The following FLT1 variants were observed in gnomAD, a reference collection of about 807,000 sequenced individuals.
FLT1 encodes the protein fms related receptor tyrosine kinase 1, also known as vascular endothelial growth factor receptor 1.
A neutral mutation model predicts 156.3 loss-of-function variants in FLT1; 49 were observed. The observed-to-expected ratio is 0.31, with a 90% confidence interval of 0.25 to 0.40. The LOEUF is 0.40. Among genes scored for constraint, FLT1 ranks in the 10% least tolerant of loss-of-function variants. The pLI, the probability that FLT1 is intolerant of heterozygous loss-of-function variation, is 1.00. For synonymous variants in FLT1, 594 were observed against 583.8 expected (o/e 1.02, Z -0.25); for missense variants, 1,322 against 1,637.2 (o/e 0.81, Z 3.32).
rs1304870278 is a variant in FLT1 at position 28,438,348 on chromosome 13, G to T, written c.389-3C>A. The T allele has an allele frequency of 6.2e-6, 10 of 1,605,870 alleles. No individual in the cohort carries two copies. Among genetic ancestry groups the T allele is most frequent in the Non-Finnish European group, 8.5e-6 (10 of 1,172,600 alleles). ...CTCTACGAAAGGTCTACCTGTATCT[G>T]AATGAGAAGAAAATGAAAAAAATAT... On this transcript the variant is annotated splice_region_variant and splice_polypyrimidine_tract_variant and intron_variant, in intron 3 of 29. Transcript: ENST00000282397.
At chr13:28,420,057 C>T (rs950849183) in intron 10 of FLT1, among the ~76,000 whole-genome samples, 1 of 152,174 alleles carries the variant, frequency 6.6e-6, no homozygotes, top group African/African-American at 2.4e-5. Flanking sequence ...GAAAATCTCA[C>T]AAAGCAGAGA....
chr13:28,320,625 A>G (rs1300495917), intron 23 of FLT1, among the ~76,000 whole-genome samples: 4 of 151,816 alleles, frequency 2.6e-5, no homozygotes, highest in African/African-American at 7.3e-5. Flanking sequence ...TCTTCTTCCA[A>G]TGTGGCCCAG....
chr13:28,483,398 T>C (rs534449098), intron 1 of FLT1, among the ~76,000 whole-genome samples: 1 of 152,326 alleles, frequency 6.6e-6, no homozygotes, highest in African/African-American at 2.4e-5. Flanking sequence ...ACACCATGCA[T>C]ATTTTTACAT....
At chr13:28,333,929 T>C in intron 18 of FLT1, 96 bp downstream of exon 18, 1 of 846,452 alleles carries the variant, frequency 1.2e-6, no homozygotes, top group Middle Eastern at 2.2e-4. Context: ...GCAGAAAAGC[T>C]TGTGTCTGTT....
chr13:28,488,425 C>T (rs994434247), intron 1 of FLT1, among the ~76,000 whole-genome samples: 3 of 152,022 alleles, frequency 2.0e-5, no homozygotes, highest in Admixed American at 6.6e-5. Context: ...GACCCTGACA[C>T]CAGAACTGAC....
At chr13:28,333,129 G>A (rs944416157) in intron 18 of FLT1, among the ~76,000 whole-genome samples, 3 of 152,198 alleles carry the variant, frequency 2.0e-5, no homozygotes, top group Admixed American at 6.5e-5. Context: ...ATTGCTAGAA[G>A]ATTAAGAACT....
intron 14 of FLT1, among the ~76,000 whole-genome samples, chr13:28,372,019 G>GGTGT (rs142534765): frequency 0.025 from 605 of 24,526 alleles, 37 homozygotes; most frequent in Middle Eastern, 0.086. Context: ...ATAAATCATT[G>GGTGT]GTGTGTGTGT....
intron 3 of FLT1, among the ~76,000 whole-genome samples, chr13:28,440,061 ACT>A (rs1352084641): frequency 2.0e-5 from 3 of 151,584 alleles, no homozygotes; most frequent in African/African-American, 7.3e-5. Flanking sequence ...AATTATTCCC[ACT>A]CATCCTCCGG....
At chr13:28,331,256 C>T (rs1871919889) in intron 18 of FLT1, among the ~76,000 whole-genome samples, 1 of 152,178 alleles carries the variant, frequency 6.6e-6, no homozygotes. Flanking sequence ...ACTAGATAAA[C>T]TCCAAATCCT....
intron 10 of FLT1, among the ~76,000 whole-genome samples, chr13:28,414,050 G>A (rs557866126): frequency 1.0e-3 from 154 of 152,244 alleles, no homozygotes; most frequent in African/African-American, 2.9e-3. Flanking sequence ...TTCTGCTTTG[G>A]TGCTATGTCA....
intron 9 of FLT1, 25 bp from the exon 10 acceptor site, chr13:28,427,343 C>T (rs778752941): frequency 6.2e-7 from 1 of 1,612,924 alleles, no homozygotes; most frequent in South Asian, 1.1e-5. Flanking sequence ...AAGAACGGGA[C>T]AGAAGTCAAG....
rs137919218 is a variant in FLT1, at chr13:28,375,713, C to T, written c.2116+9172G>A. 1.1e-3 allele frequency among the ~76,000 whole-genome samples: 162 copies of T among 152,270 alleles called. 1 individual carries two copies. The highest frequency in any genetic ancestry group is 4.1e-3 in the South Asian group (20 of 4,828). ...ACACATATTGAAGAGACAGGGCTAG[C>T]GAGAACAGCTGCTTAGCTAATCACA... is the stretch of plus-strand genomic sequence containing the variant. On this transcript the variant is annotated intron_variant, in intron 14 of 29. Transcript: ENST00000282397.
intron 27 of FLT1, among the ~76,000 whole-genome samples, chr13:28,309,193 G>C (rs1450750814): frequency 6.6e-6 from 1 of 152,200 alleles, no homozygotes; most frequent in African/African-American, 2.4e-5. Flanking sequence ...ATCAGAGAAT[G>C]CCAGACATAG....
rs188190230 is a variant in FLT1 at position 28,391,605 on chromosome 13, T to C, written c.1661-1501A>G. On this transcript the variant is annotated intron_variant, in intron 12 of 29. Coordinates refer to ENST00000282397, the MANE Select transcript of FLT1 (RefSeq NM_002019.4). ...CCAAGCTGTACCTCAATCGCCACCT[T>C]GGGCACATGTTGTCAGGACCTCCTG... 1.1e-3 allele frequency among the ~76,000 whole-genome samples: 168 copies of C among 152,370 alleles called. 2 individuals are homozygous for C. Among genetic ancestry groups the C allele is most frequent in the Non-Finnish European group, 2.2e-4 (15 of 68,048 alleles).
At chr13:28,457,048 T>A (rs1390691931) in intron 3 of FLT1, among the ~76,000 whole-genome samples, 1 of 152,172 alleles carries the variant, frequency 6.6e-6, no homozygotes, top group Non-Finnish European at 1.5e-5. Flanking sequence ...GAAACAAATG[T>A]ACCATTCTGG....
At chr13:28,320,290 A>T (rs1362919899) in intron 23 of FLT1, among the ~76,000 whole-genome samples, 1 of 152,168 alleles carries the variant, frequency 6.6e-6, no homozygotes, top group African/African-American at 2.4e-5. Flanking sequence ...GGCCCCAAGG[A>T]AAGTCTGTTT....
At chr13:28,434,604 CG>C (rs1877918912) in intron 4 of FLT1, among the ~76,000 whole-genome samples, 1 of 152,140 alleles carries the variant, frequency 6.6e-6, no homozygotes, top group East Asian at 1.9e-4. Flanking sequence ...ATTAAGAGGC[CG>C]GGCGTGGTGG....
intron 10 of FLT1, among the ~76,000 whole-genome samples, chr13:28,419,676 G>A (rs543757020): frequency 2.8e-4 from 42 of 152,280 alleles, no homozygotes; most frequent in African/African-American, 9.4e-4. Context: ...TCAGGGGATC[G>A]AGACCATTCT....
intron 12 of FLT1, among the ~76,000 whole-genome samples, chr13:28,391,339 G>A (rs773561261): frequency 2.0e-5 from 3 of 152,118 alleles, no homozygotes; most frequent in African/African-American, 7.2e-5. Flanking sequence ...AACTGCTTAC[G>A]ACAAACCTGC....
Sources: gnomAD v4.1 joint callset for allele counts (sites outside exome capture counted in the v4.1 genomes callset) on GRCh38, gnomAD v4.1.1 for gene constraint, MANE v1.5 for transcripts, NCBI Gene and HGNC (gene_info 2026-07-23, HGNC 2026-07-21) for gene names.